Variants in GPR158 observed in about 807,000 individuals in gnomAD.
The protein encoded by GPR158 is G protein-coupled receptor 158.
A neutral mutation model predicts 78.2 loss-of-function variants in GPR158; 30 were observed. The ratio of observed to expected loss-of-function variants is 0.38; its 90% CI spans 0.29 to 0.52. GPR158 has a LOEUF of 0.52. GPR158 is among the 20% of genes least tolerant of loss of function. GPR158 has a pLI of 0.83. For missense variants in GPR158, 1,463 were observed against 1,523.5 expected (o/e 0.96, Z 0.66); for synonymous variants, 581 against 591.1 (o/e 0.98, Z 0.25).
At chr10:25,372,009 A>G (rs528366281) in intron 2 of GPR158, among the ~76,000 whole-genome samples, 1 of 151,892 alleles carries the variant, frequency 6.6e-6, no homozygotes, top group East Asian at 1.9e-4. Flanking sequence ...TAAATTTACA[A>G]GACAAAAACA....
chr10:25,311,904 G>A (rs1356083864), intron 2 of GPR158, among the ~76,000 whole-genome samples: 1 of 152,018 alleles, frequency 6.6e-6, no homozygotes, highest in Non-Finnish European at 1.5e-5. Context: ...CAAAGCTAGT[G>A]AGAAGATTGA....
At chr10:25,322,537 T>C (rs1213094310) in intron 2 of GPR158, among the ~76,000 whole-genome samples, 2 of 152,252 alleles carry the variant, frequency 1.3e-5, no homozygotes, top group Non-Finnish European at 2.9e-5. Flanking sequence ...ATTTTGACTT[T>C]CTAGCATGAA....
At chr10:25,245,012 C>T (rs1205454462) in intron 2 of GPR158, among the ~76,000 whole-genome samples, 1 of 152,134 alleles carries the variant, frequency 6.6e-6, no homozygotes, top group African/African-American at 2.4e-5. Flanking sequence ...CAATAACATG[C>T]TATGTTGAAT....
At chr10:25,487,049 C>A (rs1219566371) in intron 5 of GPR158, among the ~76,000 whole-genome samples, 3 of 151,918 alleles carry the variant, frequency 2.0e-5, no homozygotes, top group Admixed American at 6.6e-5. Context: ...TTCTTTTATC[C>A]CCCTTTTAAA....
At chr10:25,268,530 A>C (rs1405828538) in intron 2 of GPR158, among the ~76,000 whole-genome samples, 1 of 152,160 alleles carries the variant, frequency 6.6e-6, no homozygotes, top group East Asian at 1.9e-4. Context: ...GACCTCCCCC[A>C]AAAACTCTGA....
chr10:25,329,602 T>A (rs568117548), intron 2 of GPR158, among the ~76,000 whole-genome samples: 1 of 152,172 alleles, frequency 6.6e-6, no homozygotes, highest in East Asian at 1.9e-4. Context: ...TACCTCTTTT[T>A]TTTTTTTAAA....
chr10:25,513,469 G>T (rs1588893597), intron 5 of GPR158, among the ~76,000 whole-genome samples: 3 of 150,676 alleles, frequency 2.0e-5, no homozygotes, highest in South Asian at 2.1e-4. Flanking sequence ...TCTTTTCAAA[G>T]AACTAGTTTT....
At chr10:25,237,051 G>C (rs1394781254) in intron 2 of GPR158, among the ~76,000 whole-genome samples, 1 of 152,136 alleles carries the variant, frequency 6.6e-6, no homozygotes, top group Non-Finnish European at 1.5e-5. Flanking sequence ...TAATAATCCG[G>C]AGTGATCGAT....
intron 10 of GPR158, 28 bp downstream of exon 10, chr10:25,596,817 T>TAA (rs1482727149): frequency 1.2e-6 from 2 of 1,601,770 alleles, no homozygotes; most frequent in Admixed American, 3.4e-5. Context: ...TCTTTCTTCC[T>TAA]ATTTCAGATT....
intron 2 of GPR158, among the ~76,000 whole-genome samples, chr10:25,378,736 A>G (rs1754249): frequency 2.0e-5 from 3 of 152,056 alleles, no homozygotes; most frequent in Non-Finnish European, 4.4e-5. Context: ...CTTTCTTATA[A>G]AAAGTAAGAT....
chr10:25,439,592 T>C (rs968186731), intron 4 of GPR158, among the ~76,000 whole-genome samples: 15 of 152,326 alleles, frequency 9.8e-5, no homozygotes, highest in African/African-American at 2.9e-4. Context: ...ATGTCCTCTA[T>C]GCATTTTGAA....
chr10:25,363,105 T>C (rs1392549533), intron 2 of GPR158, among the ~76,000 whole-genome samples: 2 of 151,924 alleles, frequency 1.3e-5, no homozygotes, highest in East Asian at 1.9e-4. Flanking sequence ...CTGTGATTGA[T>C]TATTTATTCT....
At chr10:25,348,144 C>T (rs1243356591) in intron 2 of GPR158, among the ~76,000 whole-genome samples, 1 of 151,840 alleles carries the variant, frequency 6.6e-6, no homozygotes, top group Admixed American at 6.6e-5. Context: ...TATTCTATGA[C>T]TGCTTTATTC....
chr10:25,178,585 G>C (rs1173609964), intron 1 of GPR158, among the ~76,000 whole-genome samples: 1 of 152,198 alleles, frequency 6.6e-6, no homozygotes, highest in Non-Finnish European at 1.5e-5. Context: ...TTCTTTAAGT[G>C]CCTTTATAGA....
At chr10:25,469,179 C>T (rs144660324) in intron 5 of GPR158, among the ~76,000 whole-genome samples, 394 of 152,302 alleles carry the variant, frequency 2.6e-3, no homozygotes, top group African/African-American at 8.8e-3. Flanking sequence ...TTAATGTACA[C>T]TCTCTCTTGG....
intron 5 of GPR158, among the ~76,000 whole-genome samples, chr10:25,531,137 C>A (rs973470963): frequency 6.6e-6 from 1 of 151,996 alleles, no homozygotes; most frequent in Admixed American, 6.6e-5. Flanking sequence ...TTTTTTGGAA[C>A]CTTTAAGATA....
chr10:25,237,300 T>G (rs1853538335), intron 2 of GPR158, among the ~76,000 whole-genome samples: 1 of 152,200 alleles, frequency 6.6e-6, no homozygotes, highest in Admixed American at 6.5e-5. Context: ...TCTGAAAACC[T>G]TCTTGGATGT....
In GPR158 at chr10:25,176,246, A is replaced by C; in HGVS notation, c.826A>C (p.Ser276Arg). The C allele has an allele frequency of 6.2e-7, 1 of 1,608,982 alleles. No individual in the cohort carries two copies. Among genetic ancestry groups the C allele is most frequent in the Non-Finnish European group, 8.5e-7 (1 of 1,178,514 alleles). The change falls in exon 1 of 11, where the codon AGT becomes CGT. Residue 276 changes from serine to arginine, a missense_variant. Ser to Arg is a moderately radical substitution (Grantham distance 110, BLOSUM62 -1). Transcript: ENST00000376351. The surrounding 1 kb of genome is among the most constrained non-coding windows in gnomAD (Gnocchi z 6.3). Reference sequence around the variant, plus strand: ...GCCTTATCTGGAGTGCGAGAACGGGAGTTACAAGCCCGGGTGGCTGGTTAC... The same window carrying C: ...GCCTTATCTGGAGTGCGAGAACGGGCGTTACAAGCCCGGGTGGCTGGTTAC... ...SPPYLECENG[S>R]YKPGWLVTLS...
chr10:25,288,262 C>T (rs1854381615), intron 2 of GPR158, among the ~76,000 whole-genome samples: 1 of 152,186 alleles, frequency 6.6e-6, no homozygotes, highest in Admixed American at 6.5e-5. Flanking sequence ...TTTTAATCAG[C>T]TTTATCACTT....
Sources: gnomAD v4.1 joint callset for allele counts (sites outside exome capture counted in the v4.1 genomes callset) on GRCh38, gnomAD v4.1.1 for gene constraint, Gnocchi (gnomAD v3.1) non-coding constraint, MANE v1.5 for transcripts, NCBI Gene and HGNC (gene_info 2026-07-23, HGNC 2026-07-21) for gene names.